Variants in TBC1D5 observed in about 807,000 individuals in gnomAD.
The protein encoded by TBC1D5 is TBC1 domain family, member 5.
A neutral mutation model predicts 100.3 loss-of-function variants in TBC1D5; 75 were observed. That is an observed-to-expected ratio of 0.75 (90% CI 0.62 to 0.91). The LOEUF (loss-of-function observed/expected upper bound fraction) is 0.91. Among genes scored for constraint, TBC1D5 ranks in the 40% least tolerant of loss-of-function variants. The probability of loss-of-function intolerance (pLI) is 0.00; values close to 1 mark genes in which losing one functional copy is unlikely to be tolerated. For missense variants in TBC1D5, 910 were observed against 942.4 expected (o/e 0.97, Z 0.45); for synonymous variants, 323 against 325.6 (o/e 0.99, Z 0.09).
intron 3 of TBC1D5, among the ~76,000 whole-genome samples, chr3:17,480,649 G>A (rs1313872709): frequency 1.3e-5 from 2 of 152,096 alleles, no homozygotes; most frequent in Non-Finnish European, 2.9e-5. Context: ...CTTGCAGAAA[G>A]GAGCTACCCA....
chr3:17,347,587 T>C (rs1015416634), intron 13 of TBC1D5, among the ~76,000 whole-genome samples: 1 of 152,150 alleles, frequency 6.6e-6, no homozygotes, highest in Non-Finnish European at 1.5e-5. Context: ...CATGCCTCAC[T>C]TTCTTAATTT....
intron 3 of TBC1D5, among the ~76,000 whole-genome samples, chr3:17,489,324 T>A (rs535610060): frequency 1.1e-4 from 17 of 152,304 alleles, no homozygotes; most frequent in Admixed American, 4.6e-4. Flanking sequence ...CATCTATGAA[T>A]AATCTGGTAG....
In TBC1D5 at chr3:17,690,204, ATTTTTTTTTT is replaced by A. The variant is rs1199260338; in HGVS notation, c.-101+49129_-101+49138del. On this transcript the variant is annotated intron_variant, in intron 1 of 21. Transcript: ENST00000253692. Reference sequence around the variant, plus strand: ...AGAACTGAAGCATAAAAATAGCCATATTTTTTTTTTTTTTTTTTTTTTTTTTTTTTGAGAC... The same window carrying A: ...AGAACTGAAGCATAAAAATAGCCATATTTTTTTTTTTTTTTTTTTTGAGAC... Among the ~76,000 whole-genome samples the A allele has an allele frequency of 1.7e-4, 8 of 47,030 alleles. 1 individual carries two copies. The highest frequency in any genetic ancestry group is 2.9e-4 in the Admixed American group (1 of 3,506). The allele number at this position is 47,030 out of a possible 152,430, so 30.9% of individuals were successfully genotyped here.
At chr3:17,402,602 T>G (rs1559808525) in intron 8 of TBC1D5, among the ~76,000 whole-genome samples, 2 of 152,156 alleles carry the variant, frequency 1.3e-5, no homozygotes, top group Non-Finnish European at 2.9e-5. Context: ...TACGACTCTA[T>G]GATCTTCTGA....
chr3:17,344,927 T>C (rs1425530003), intron 13 of TBC1D5, among the ~76,000 whole-genome samples: 1 of 152,134 alleles, frequency 6.6e-6, no homozygotes, highest in African/African-American at 2.4e-5. Context: ...CAAGATGGAT[T>C]AAAGACTTAA....
intron 3 of TBC1D5, among the ~76,000 whole-genome samples, chr3:17,462,867 C>CTTTT (rs2095240455): frequency 6.6e-6 from 1 of 152,166 alleles, no homozygotes; most frequent in Non-Finnish European, 1.5e-5. Context: ...GACCTATCTT[C>CTTTT]TTTTACCTTG....
intron 2 of TBC1D5, among the ~76,000 whole-genome samples, chr3:17,539,087 G>A (rs942427654): frequency 1.3e-5 from 2 of 152,320 alleles, no homozygotes; most frequent in East Asian, 1.9e-4. Flanking sequence ...GGAGGCTGAT[G>A]AGGCACAAGA....
chr3:17,431,078 A>C (rs1355833990), intron 3 of TBC1D5, among the ~76,000 whole-genome samples: 1 of 151,942 alleles, frequency 6.6e-6, no homozygotes, highest in African/African-American at 2.4e-5. Flanking sequence ...ATAAGTATTA[A>C]TTTTATAAGG....
intron 19 of TBC1D5, among the ~76,000 whole-genome samples, chr3:17,171,246 G>A (rs1345716889): frequency 6.6e-6 from 1 of 151,938 alleles, no homozygotes; most frequent in African/African-American, 2.4e-5. Flanking sequence ...CACTGTCCCT[G>A]TTTAGACTGT....
chr3:17,597,078 G>A (rs938206884), intron 2 of TBC1D5, among the ~76,000 whole-genome samples: 62 of 152,054 alleles, frequency 4.1e-4, no homozygotes, highest in African/African-American at 1.5e-3. Flanking sequence ...TTCTTTCAAG[G>A]CTTATCTGTG....
chr3:17,526,118 T>TG (rs1267152519), intron 2 of TBC1D5, among the ~76,000 whole-genome samples: 1 of 152,132 alleles, frequency 6.6e-6, no homozygotes, highest in African/African-American at 2.4e-5. Flanking sequence ...GGAATACCCT[T>TG]GAGAAGAGAA....
At chr3:17,547,177 A>C (rs1260228544) in intron 2 of TBC1D5, 1 of 152,234 alleles carries the variant, frequency 6.6e-6, no homozygotes, top group African/African-American at 2.4e-5. Flanking sequence ...AAGTTAACGT[A>C]AGATATTAGA....
chr3:17,620,691 A>C (rs1280107618), intron 2 of TBC1D5, among the ~76,000 whole-genome samples: 2 of 152,202 alleles, frequency 1.3e-5, no homozygotes, highest in Non-Finnish European at 2.9e-5. Context: ...AATGGGGAGG[A>C]AGGAGTGACA....
chr3:17,529,982 A>C (rs1050091805), intron 2 of TBC1D5, among the ~76,000 whole-genome samples: 1 of 152,162 alleles, frequency 6.6e-6, no homozygotes, highest in African/African-American at 2.4e-5. Flanking sequence ...GGTGCCTCAC[A>C]CCTGTAATCC....
intron 3 of TBC1D5, among the ~76,000 whole-genome samples, chr3:17,444,673 AATAC>A (rs1461434787): frequency 6.6e-6 from 1 of 152,122 alleles, no homozygotes; most frequent in African/African-American, 2.4e-5. Context: ...TTACAAAACT[AATAC>A]ATAATTATTG....
At chr3:17,702,677 A>G (rs954823709) in intron 1 of TBC1D5, among the ~76,000 whole-genome samples, 1 of 138,128 alleles carries the variant, frequency 7.2e-6, no homozygotes, top group Non-Finnish European at 1.5e-5. Flanking sequence ...TATTTGATTC[A>G]TTGTCATCAA....
chr3:17,528,726 C>A (rs1307023311), intron 2 of TBC1D5, among the ~76,000 whole-genome samples: 1 of 152,078 alleles, frequency 6.6e-6, no homozygotes, highest in Admixed American at 6.6e-5. Flanking sequence ...CACCCAAAGC[C>A]AGAAAAAGAA....
intron 17 of TBC1D5, among the ~76,000 whole-genome samples, chr3:17,217,381 AC>A (rs1441535109): frequency 1.3e-5 from 2 of 152,082 alleles, no homozygotes; most frequent in African/African-American, 4.8e-5. Flanking sequence ...CCTTTGTCTC[AC>A]GTAGATATCT....
rs2083324544 is a variant in TBC1D5, at chr3:17,305,628, G to A, written c.1138+2364C>T. 2.0e-5 allele frequency among the ~76,000 whole-genome samples: 3 copies of A among 151,998 alleles called. No individual in the cohort carries two copies. The South Asian group carries it at 6.2e-4, about 32-fold the overall frequency. On this transcript the variant is annotated intron_variant, in intron 14 of 21. Coordinates refer to ENST00000253692, the Ensembl canonical transcript of TBC1D5. ...TTTCTTATAAATATCTCAAAACTCA[G>A]CAAAGTCAAGCCCAGTTAATTATTA... is the stretch of plus-strand genomic sequence containing the variant.
Sources: allele counts gnomAD v4.1 joint callset (sites outside exome capture counted in the v4.1 genomes callset), GRCh38; gene constraint gnomAD v4.1.1; transcripts MANE v1.5; gene names NCBI Gene and HGNC (gene_info 2026-07-23, HGNC 2026-07-21).